The following SLC7A13 variants were observed in gnomAD, a reference collection of about 807,000 sequenced individuals.
SLC7A13 encodes the protein solute carrier family 7 member 13, also known as X-amino acid transporter 2.
A neutral mutation model predicts 32.0 loss-of-function variants in SLC7A13; 31 were observed. The ratio of observed to expected loss-of-function variants is 0.97; its 90% CI spans 0.73 to 1.31. The LOEUF (loss-of-function observed/expected upper bound fraction) is 1.31. Ranked by LOEUF, SLC7A13 falls within the 50% of genes most tolerant of loss-of-function variation. SLC7A13 has a pLI of 0.00. For missense variants in SLC7A13, 633 were observed against 546.9 expected, an observed-to-expected ratio of 1.16 and a Z score of -1.57; for synonymous variants, 232 against 206.9, an observed-to-expected ratio of 1.12 and a Z score of -1.04.
Position 86,229,609 on chromosome 8 carries a change from G to C in SLC7A13, c.669C>G (p.Cys223Trp). Residue 223 changes from cysteine to tryptophan, a missense_variant, in exon 1 of 4, where the codon TGC (cysteine) becomes TGG (tryptophan). Physicochemically the swap from Cys to Trp is radical, Grantham distance 215. Coordinates refer to ENST00000297524, the MANE Select transcript of SLC7A13 (RefSeq NM_138817.3). ...GATTGTTACCTGCTATAAGTGTAAAGCATGCCCCGCCTGAATATGCAAAAT... is the reference window on the plus strand; with the variant it reads ...GATTGTTACCTGCTATAAGTGTAAACCATGCCCCGCCTGAATATGCAAAAT... The part of the protein sequence containing the change: ...QGYFAYSGGA[C>W]FTLIAGELKK... 1.2e-6 allele frequency: 2 copies of C among 1,613,512 alleles called. No individual in the cohort carries two copies. The highest frequency in any genetic ancestry group is 1.7e-6 in the Non-Finnish European group (2 of 1,179,814).
rs767472807 is a variant in SLC7A13, at chr8:86,214,375, T to C, written c.*38A>G. On this transcript the variant is annotated 3_prime_UTR_variant, in exon 4 of 4. Transcript: ENST00000297524. ...GATTTGGAATCTGATATATGTTTTT[T>C]AGAAGGCCAATTTTTTAAGAGTTTG... The C allele has an allele frequency of 1.5e-6, 2 of 1,324,026 alleles. No individual in the cohort carries two copies. Among genetic ancestry groups the C allele is most frequent in the African/African-American group, 1.5e-5 (1 of 67,130 alleles). The allele number at this position is 1,324,026 out of a possible 1,614,324, so 82.0% of individuals were successfully genotyped here. A position where few individuals can be genotyped will look rare whatever the true frequency, so the allele number is the denominator to read the frequency against.
In SLC7A13 at chr8:86,229,949, C is replaced by T. The variant is rs1163403410; in HGVS notation, c.329G>A (p.Gly110Asp). 2 of 1,614,148 alleles carry T rather than the reference C, an allele frequency of 1.2e-6. No homozygotes were observed. Among genetic ancestry groups the T allele is most frequent in the East Asian group, 2.2e-5 (1 of 44,884 alleles). Reference protein sequence around the residue: ...SLFLGSGVVAGQALLLAEYSI... With the variant: ...SLFLGSGVVADQALLLAEYSI... ...GTACTCAGCAAGGAGCAGAGCTTGG[C>T]CAGCAACTACCCCTGACCCCAGAAA... is the stretch of plus-strand genomic sequence containing the variant. The change falls in exon 1 of 4, where the codon GGC becomes GAC. Residue 110 changes from glycine to aspartate, a missense_variant. Physicochemically the swap from Gly to Asp is moderately conservative, Grantham distance 94 (BLOSUM62 -1). Transcript: ENST00000297524.
chr8:86,226,831 T>C (rs748611929), intron 1 of SLC7A13, among the ~76,000 whole-genome samples: 2 of 152,200 alleles, frequency 1.3e-5, no homozygotes, highest in Non-Finnish European at 2.9e-5. Flanking sequence ...GCTTCACTCA[T>C]ATTTTTCTGG....
chr8:86,218,285 A>G (rs2129784630), intron 2 of SLC7A13, among the ~76,000 whole-genome samples: 1 of 152,340 alleles, frequency 6.6e-6, no homozygotes, highest in Middle Eastern at 3.4e-3. Context: ...AACACTACTG[A>G]CACCAGAATG....
At position 86,214,607 on chromosome 8, in the gene SLC7A13, C is replaced by T. The variant is rs762264840; in HGVS notation, c.1219G>A (p.Val407Met). Reference sequence around the variant, plus strand: ...ACCAATGGTATCACAACCAAGCCCACGTCGATGACTATTGTTGCTAATGGA... The same window carrying T: ...ACCAATGGTATCACAACCAAGCCCATGTCGATGACTATTGTTGCTAATGGA... ...SFPLATIVID[V>M]GLVVIPLVKS... The change falls in exon 4 of 4, where the codon GTG (valine) becomes ATG (methionine). Residue 407 changes from valine (V) to methionine (M), a missense_variant. Val to Met is a conservative substitution (Grantham distance 21). Coordinates refer to ENST00000297524, the MANE Select transcript of SLC7A13 (RefSeq NM_138817.3). 18 of 1,612,824 alleles carry T rather than the reference C, an allele frequency of 1.1e-5. No homozygotes were observed. Among genetic ancestry groups the T allele is most frequent in the East Asian group, 6.7e-5 (3 of 44,798 alleles).
intron 2 of SLC7A13, 133 bp from the exon 3 acceptor site, chr8:86,217,964 A>G (rs546168799): frequency 2.9e-6 from 3 of 1,018,076 alleles, no homozygotes; most frequent in Non-Finnish European, 1.4e-6. Flanking sequence ...TAATTTTATC[A>G]TTTATTTCCT....
chr8:86,223,224 T>C, intron 1 of SLC7A13, 121 bp from the exon 2 acceptor site: 1 of 973,780 alleles, frequency 1.0e-6, no homozygotes, highest in South Asian at 2.1e-5. Flanking sequence ...TTTTATTATG[T>C]GGATAGGTTG....
intron 1 of SLC7A13, among the ~76,000 whole-genome samples, chr8:86,227,773 C>A (rs4255119): frequency 0.28 from 41,986 of 152,048 alleles, 6,468 homozygotes; most frequent in South Asian, 0.49. Context: ...AGAATGAGAT[C>A]ATGTCTTTTC....
At chr8:86,215,798 A>C (rs1321264545) in intron 3 of SLC7A13, 1 of 302,230 alleles carries the variant, frequency 3.3e-6, no homozygotes, top group Non-Finnish European at 6.6e-6. Flanking sequence ...AATAACTGAG[A>C]GAAAAGAAAA....
intron 2 of SLC7A13, among the ~76,000 whole-genome samples, chr8:86,220,463 C>T (rs1820274642): frequency 6.6e-6 from 1 of 152,112 alleles, no homozygotes; most frequent in South Asian, 2.1e-4. Flanking sequence ...AGAGCTCTGA[C>T]ACGGACACAG....
At chr8:86,217,896 T>C (rs1179155046) in intron 2 of SLC7A13, 65 bp from the exon 3 acceptor site, 1 of 1,430,298 alleles carries the variant, frequency 7.0e-7, no homozygotes, top group Non-Finnish European at 9.3e-7. Context: ...GATAAACCTT[T>C]TAATATTATT....
chr8:86,219,365 T>C (rs75486914), intron 2 of SLC7A13, among the ~76,000 whole-genome samples: 2,255 of 152,342 alleles, frequency 0.015, 23 homozygotes, highest in Non-Finnish European at 0.024. Flanking sequence ...TACATCTTTC[T>C]ACATCATCTT....
At chr8:86,226,533 C>A (rs1002029931) in intron 1 of SLC7A13, among the ~76,000 whole-genome samples, 3 of 152,132 alleles carry the variant, frequency 2.0e-5, no homozygotes, top group African/African-American at 7.2e-5. Flanking sequence ...TTCCTCTATA[C>A]CACTCTGAGC....
At position 86,214,469 on chromosome 8, in the gene SLC7A13, T is replaced by G. The variant is rs1463360513; in HGVS notation, c.1357A>C (p.Thr453Pro). Residue 453 changes from threonine (T) to proline (P), a missense_variant, in exon 4 of 4, where the codon ACT becomes CCT. Coordinates refer to ENST00000297524, the MANE Select transcript of SLC7A13 (RefSeq NM_138817.3). The part of the protein sequence containing the change: ...KIRLAWFEKM[T>P]CYLQLLFNIC... ...TTAAATAGTAATTGTAAATAGCAAGTCATCTTCTCAAACCAAGCCAATCTT... is the reference window on the plus strand; with the variant it reads ...TTAAATAGTAATTGTAAATAGCAAGGCATCTTCTCAAACCAAGCCAATCTT... 6.2e-7 allele frequency: 1 copy of G among 1,611,540 alleles called. No individual in the cohort carries two copies. Among genetic ancestry groups the G allele is most frequent in the Non-Finnish European group, 8.5e-7 (1 of 1,178,682 alleles).
In SLC7A13 at chr8:86,229,926, A is replaced by G. The variant is rs1563593113; in HGVS notation, c.352T>C (p.Tyr118His). 2 of 1,614,202 alleles carry G rather than the reference A, an allele frequency of 1.2e-6. No homozygotes were observed. Among genetic ancestry groups the G allele is most frequent in the South Asian group, 2.2e-5 (2 of 91,076 alleles). The change falls in exon 1 of 4, where the codon TAC (tyrosine) becomes CAC (histidine). Residue 118 changes from tyrosine (Y) to histidine (H), a missense_variant. Tyr to His is a moderately conservative substitution (Grantham distance 83). Transcript: ENST00000297524. ...CTGGGAAAAAAAGGCTGGATGCTGT[A>G]CTCAGCAAGGAGCAGAGCTTGGCCA... Reference protein sequence around the residue: ...VAGQALLLAEYSIQPFFPSCS... With the variant: ...VAGQALLLAEHSIQPFFPSCS...
Position 86,230,043 on chromosome 8 carries a change from C to G in SLC7A13, c.235G>C (p.Ala79Pro). 7 of 1,614,140 alleles carry G rather than the reference C, an allele frequency of 4.3e-6. No individual in the cohort carries two copies. Among genetic ancestry groups the G allele is most frequent in the Non-Finnish European group, 5.1e-6 (6 of 1,180,032 alleles). Residue 79 changes from alanine to proline, a missense_variant, in exon 1 of 4, where the codon GCT (alanine) becomes CCT (proline). Physicochemically the swap from Ala to Pro is conservative, Grantham distance 27. Coordinates refer to ENST00000297524, the MANE Select transcript of SLC7A13 (RefSeq NM_138817.3). ...TATCTCTTGAGAAAATAGTATTGAG[C>G]TCCACTGCATGGGAAGCTTATACTT... is the stretch of plus-strand genomic sequence containing the variant. Reference protein sequence around the residue: ...EISISFPCSGAQYYFLKRYFG... With the variant: ...EISISFPCSGPQYYFLKRYFG...
At position 86,214,419 on chromosome 8, in the gene SLC7A13, C is replaced by T. The variant is rs1310513850; in HGVS notation, c.1407G>A (p.Glu469=). 1 of 1,598,418 alleles carries T rather than the reference C, an allele frequency of 6.3e-7. No individual in the cohort carries two copies. ...GAGTTTGCACTTCCGACATCTATTCCTCAGACACATCAGGGAGGCAAATAT... is the reference window on the plus strand; with the variant it reads ...GAGTTTGCACTTCCGACATCTATTCTTCAGACACATCAGGGAGGCAAATAT... ...LFNICLPDVS[E]E Residue 469 remains glutamate (E), a synonymous_variant, in exon 4 of 4, where the codon GAG becomes GAA. Transcript: ENST00000297524.
rs559983450 is a variant in SLC7A13 at position 86,218,429 on chromosome 8, T to C, written c.818-598A>G. Among the ~76,000 whole-genome samples the C allele has an allele frequency of 3.3e-5, 5 of 152,176 alleles. No individual in the cohort carries two copies. In the South Asian group the frequency reaches 1.0e-3, roughly 31 times the overall value. On this transcript the variant is annotated intron_variant, in intron 2 of 3. Transcript: ENST00000297524. ...TTTTCTATAGACCAGTAATTCTCAATTGGAGTTAAATTTACTCCTCAGGGT... is the reference window on the plus strand; with the variant it reads ...TTTTCTATAGACCAGTAATTCTCAACTGGAGTTAAATTTACTCCTCAGGGT...
intron 3 of SLC7A13, among the ~76,000 whole-genome samples, chr8:86,215,027 G>C (rs1051513056): frequency 2.6e-5 from 4 of 152,174 alleles, no homozygotes; most frequent in Non-Finnish European, 5.9e-5. Context: ...AGAAATTCAT[G>C]ACAAAACAGA....
Sources: allele counts gnomAD v4.1 joint callset (sites outside exome capture counted in the v4.1 genomes callset), GRCh38; gene constraint gnomAD v4.1.1; transcripts MANE v1.5; gene names NCBI Gene and HGNC (gene_info 2026-07-23, HGNC 2026-07-21).